EFR3B: variants seen among roughly 807,000 people sequenced by gnomAD.
EFR3B encodes protein EFR3 homolog B.
A neutral mutation model predicts 104.7 loss-of-function variants in EFR3B; 64 were observed. That is an observed-to-expected ratio of 0.61 (90% CI 0.50 to 0.75). EFR3B has a LOEUF of 0.75. Ranked by LOEUF, EFR3B falls within the 30% of genes least tolerant of loss-of-function variation. The pLI, the probability that EFR3B is intolerant of heterozygous loss-of-function variation, is 0.00. For synonymous variants in EFR3B, 385 were observed against 417.9 expected, an observed-to-expected ratio of 0.92 and a Z score of 0.96; for missense variants, 750 against 1,078.5, an observed-to-expected ratio of 0.70 and a Z score of 4.27.
chr2:25,118,756 A>AAAAAAC (rs1669934562), intron 4 of EFR3B, among the ~76,000 whole-genome samples: 1 of 149,022 alleles, frequency 6.7e-6, no homozygotes, highest in Admixed American at 6.7e-5. Flanking sequence ...AAAAAAAAAA[A>AAAAAAC]AAGGCAGGGC....
At chr2:25,124,057 G>A (rs1294988739) in intron 5 of EFR3B, among the ~76,000 whole-genome samples, 5 of 152,096 alleles carry the variant, frequency 3.3e-5, no homozygotes, top group Non-Finnish European at 7.4e-5. Context: ...TCCTCTTCTT[G>A]CCTTTCTCTT....
At chr2:25,090,248 G>C (rs1460148673) in intron 1 of EFR3B, among the ~76,000 whole-genome samples, 2 of 152,176 alleles carry the variant, frequency 1.3e-5, no homozygotes, top group African/African-American at 4.8e-5. Context: ...AGGCCCCCCG[G>C]GCCCCTCCCT....
intron 4 of EFR3B, among the ~76,000 whole-genome samples, chr2:25,108,271 C>T (rs1449821386): frequency 6.6e-6 from 1 of 152,200 alleles, no homozygotes; most frequent in African/African-American, 2.4e-5. Flanking sequence ...CACTTCTGCA[C>T]ACCTGCCTCA....
At chr2:25,073,043 A>G (rs1251183280) in intron 1 of EFR3B, among the ~76,000 whole-genome samples, 2 of 152,248 alleles carry the variant, frequency 1.3e-5, no homozygotes, top group Non-Finnish European at 2.9e-5. Context: ...TATGGAAAAG[A>G]TTTGATGCAT....
chr2:25,083,929 C>T (rs1668878202), intron 1 of EFR3B, among the ~76,000 whole-genome samples: 1 of 152,218 alleles, frequency 6.6e-6, no homozygotes, highest in Non-Finnish European at 1.5e-5. Flanking sequence ...CTGAGATGCA[C>T]TGACCTAGTG....
intron 1 of EFR3B, among the ~76,000 whole-genome samples, chr2:25,068,854 C>A (rs764031475): frequency 6.6e-6 from 1 of 151,664 alleles, no homozygotes; most frequent in Non-Finnish European, 1.5e-5. Context: ...TGGTCTCTAT[C>A]TCCTGACCTT....
Position 25,130,672 on chromosome 2 carries a change from G to C in EFR3B, c.849+42G>C, listed in dbSNP as rs752242339. On this transcript the variant is annotated intron_variant, in intron 8 of 22. Transcript: ENST00000403714. This position sits in a 1 kb window ranked among gnomAD's most constrained non-coding sequence, Gnocchi z 4.6. ...GGGCCAGCCGGATCCCAGGACAAAG[G>C]CCTCTCTAGAAGCTAGACGGGTGCT... 15 of 1,509,188 alleles carry C rather than the reference G, an allele frequency of 9.9e-6. No individual in the cohort carries two copies. The highest frequency in any genetic ancestry group is 3.6e-5 in the South Asian group (3 of 83,220). 93.5% of individuals were successfully genotyped at this position (1,509,188 alleles called of 1,614,324 possible). A position where few individuals can be genotyped will look rare whatever the true frequency, so the allele number is the denominator to read the frequency against.
intron 1 of EFR3B, among the ~76,000 whole-genome samples, chr2:25,054,382 CATG>C (rs1468230501): frequency 6.6e-6 from 1 of 151,746 alleles, no homozygotes; most frequent in Non-Finnish European, 1.5e-5. Flanking sequence ...AGTACAGTGG[CATG>C]ATCTCACCTC....
intron 1 of EFR3B, among the ~76,000 whole-genome samples, chr2:25,060,540 A>T (rs1217143501): frequency 6.6e-6 from 1 of 152,146 alleles, no homozygotes; most frequent in Non-Finnish European, 1.5e-5. Flanking sequence ...TGGAGGGATG[A>T]TTATCAAAAT....
intron 1 of EFR3B, among the ~76,000 whole-genome samples, chr2:25,079,424 A>C (rs141769311): frequency 6.6e-5 from 10 of 152,346 alleles, no homozygotes; most frequent in African/African-American, 2.4e-4. Flanking sequence ...GACCTTGGGC[A>C]GGGCACTTAA....
At chr2:25,058,992 C>T (rs2149167952) in intron 1 of EFR3B, among the ~76,000 whole-genome samples, 1 of 152,230 alleles carries the variant, frequency 6.6e-6, no homozygotes, top group South Asian at 2.1e-4. Flanking sequence ...ATCTGTACAC[C>T]CATGTTCACA....
chr2:25,042,731 C>G lies in EFR3B; in HGVS notation c.7+412C>G. ...GCTGAGGGAGACGCCCGCGGCCGGT[C>G]GTCTGCGCGGCTCGGAGAAGGCGGG... On this transcript the variant is annotated intron_variant, in intron 1 of 22. Coordinates refer to ENST00000403714, the MANE Select transcript of EFR3B (RefSeq NM_014971.2). This position sits in a 1 kb window ranked among gnomAD's most constrained non-coding sequence, Gnocchi z 5.4. 1 of 987,946 alleles carries G rather than the reference C, an allele frequency of 1.0e-6. No homozygotes were observed. Among genetic ancestry groups the G allele is most frequent in the African/African-American group, 1.7e-5 (1 of 57,584 alleles). The allele number at this position is 987,946 out of a possible 1,614,324, so 61.2% of individuals were successfully genotyped here. A position where few individuals can be genotyped will look rare whatever the true frequency, so the allele number is the denominator to read the frequency against.
chr2:25,084,451 C>G (rs1034629685), intron 1 of EFR3B, among the ~76,000 whole-genome samples: 10 of 152,102 alleles, frequency 6.6e-5, no homozygotes, highest in Non-Finnish European at 1.3e-4. Flanking sequence ...GTTGGCCAGG[C>G]TGGTCTCGAA....
intron 11 of EFR3B, 69 bp from the exon 12 acceptor site, chr2:25,133,314 C>T: frequency 1.3e-6 from 2 of 1,488,610 alleles, no homozygotes; most frequent in African/African-American, 1.4e-5. Context: ...TGGGGTAGAA[C>T]TAAGCTGGCA....
At chr2:25,144,837 T>C in intron 18 of EFR3B, 123 bp from the exon 19 acceptor site, 1 of 716,652 alleles carries the variant, frequency 1.4e-6, no homozygotes, top group Non-Finnish European at 2.3e-6. Context: ...AGCCTGAGTG[T>C]GCACTGAGCC....
chr2:25,091,816 T>C (rs1669133389), intron 2 of EFR3B, among the ~76,000 whole-genome samples: 2 of 152,202 alleles, frequency 1.3e-5, no homozygotes, highest in Admixed American at 1.3e-4. Context: ...TCCCCCTGGC[T>C]GCCACTCTCT....
chr2:25,138,843 G>C (rs1429882312), intron 15 of EFR3B, among the ~76,000 whole-genome samples: 1 of 152,186 alleles, frequency 6.6e-6, no homozygotes, highest in Non-Finnish European at 1.5e-5. Context: ...GTACTCAAGA[G>C]CCTCCCAGTT....
At chr2:25,083,858 CAG>C (rs879924955) in intron 1 of EFR3B, among the ~76,000 whole-genome samples, 3 of 152,190 alleles carry the variant, frequency 2.0e-5, no homozygotes, top group Non-Finnish European at 4.4e-5. Context: ...TCAGCATCCC[CAG>C]AGTCTAATCA....
intron 4 of EFR3B, among the ~76,000 whole-genome samples, chr2:25,115,203 A>C (rs939283149): frequency 6.6e-6 from 1 of 152,070 alleles, no homozygotes; most frequent in Non-Finnish European, 1.5e-5. Flanking sequence ...AAGAAAAGAA[A>C]ATGCAGATAC....
Sources: gnomAD v4.1 joint callset for allele counts (sites outside exome capture counted in the v4.1 genomes callset) on GRCh38, gnomAD v4.1.1 for gene constraint, Gnocchi (gnomAD v3.1) non-coding constraint, MANE v1.5 for transcripts, NCBI Gene and HGNC (gene_info 2026-07-23, HGNC 2026-07-21) for gene names.